NAALADL2: variants seen among roughly 807,000 people sequenced by gnomAD.
The protein encoded by NAALADL2 is inactive N-acetylated-alpha-linked acidic dipeptidase-like protein 2.
NAALADL2 carries 76 observed loss-of-function variants against 87.2 expected under a neutral mutation model. The observed-to-expected ratio is 0.87, with a 90% confidence interval of 0.72 to 1.05. The LOEUF is 1.05. Ranked by LOEUF, NAALADL2 falls within the 50% of genes least tolerant of loss-of-function variation. The probability of loss-of-function intolerance (pLI) is 0.00; values close to 1 mark genes in which losing one functional copy is unlikely to be tolerated. For missense variants in NAALADL2, 1,089 were observed against 945.8 expected, an observed-to-expected ratio of 1.15 and a Z score of -1.99; for synonymous variants, 354 against 331.0, an observed-to-expected ratio of 1.07 and a Z score of -0.75.
intron 13 of NAALADL2, among the ~76,000 whole-genome samples, chr3:175,801,387 T>C (rs917174499): frequency 4.6e-5 from 7 of 152,126 alleles, no homozygotes; most frequent in Non-Finnish European, 8.8e-5. Context: ...TGTTCTCCCA[T>C]GTCTGCTCCT....
At chr3:174,443,550 A>G (rs907834394) in intron 1 of NAALADL2, among the ~76,000 whole-genome samples, 1 of 152,234 alleles carries the variant, frequency 6.6e-6, no homozygotes, top group African/African-American at 2.4e-5. Flanking sequence ...AATGTCAAGC[A>G]TGCAGTTAGC....
intron 11 of NAALADL2, among the ~76,000 whole-genome samples, chr3:175,697,893 G>A (rs1371666214): frequency 3.6e-5 from 3 of 83,386 alleles, no homozygotes; most frequent in African/African-American, 5.1e-5. Context: ...GTGTATATAT[G>A]TATGTATACA....
At chr3:175,464,504 G>A (rs116867718) in intron 7 of NAALADL2, among the ~76,000 whole-genome samples, 10 of 151,874 alleles carry the variant, frequency 6.6e-5, no homozygotes, top group Middle Eastern at 3.4e-3. Flanking sequence ...CAAACACATC[G>A]TAAGGCTGAA....
chr3:174,912,265 T>C (rs1733799959), intron 1 of NAALADL2, among the ~76,000 whole-genome samples: 1 of 152,004 alleles, frequency 6.6e-6, no homozygotes, highest in Non-Finnish European at 1.5e-5. Context: ...ACTAAAGTCA[T>C]CACCTAAGGA....
At chr3:175,759,844 A>G (rs1305951898) in intron 13 of NAALADL2, among the ~76,000 whole-genome samples, 1 of 152,154 alleles carries the variant, frequency 6.6e-6, no homozygotes, top group African/African-American at 2.4e-5. Flanking sequence ...GTTAGTGGTT[A>G]TGGAAAGGTA....
At chr3:175,527,983 A>G (rs1413084564) in intron 9 of NAALADL2, among the ~76,000 whole-genome samples, 3 of 152,116 alleles carry the variant, frequency 2.0e-5, no homozygotes, top group African/African-American at 7.2e-5. Context: ...TTGATTCTCA[A>G]GAGATAAGAG....
At position 175,789,898 on chromosome 3, in the gene NAALADL2, AT is replaced by A. The variant is rs550295346; in HGVS notation, c.2190-13103del. Among the ~76,000 whole-genome samples the A allele has an allele frequency of 2.0e-5, 3 of 152,140 alleles. No homozygotes were observed. In the South Asian group the frequency reaches 6.2e-4, roughly 31 times the overall value. On this transcript the variant is annotated intron_variant, in intron 13 of 13. Transcript: ENST00000454872. ...GTTATTAATAAAAAAATACAAATGCATTTTGTTTTCCCTAAGTATAATTTAA... is the reference window on the plus strand; with the variant it reads ...GTTATTAATAAAAAAATACAAATGCATTTGTTTTCCCTAAGTATAATTTAA...
intron 1 of NAALADL2, among the ~76,000 whole-genome samples, chr3:174,507,698 T>C (rs1360762370): frequency 6.6e-6 from 1 of 151,180 alleles, no homozygotes; most frequent in Non-Finnish European, 1.5e-5. Flanking sequence ...AGGATAATGC[T>C]TGTGAGATTC....
chr3:175,629,776 C>T (rs1304663210), intron 11 of NAALADL2, among the ~76,000 whole-genome samples: 3 of 151,696 alleles, frequency 2.0e-5, no homozygotes, highest in Non-Finnish European at 4.4e-5. Flanking sequence ...AAATGGAGTA[C>T]AGGGGCACAG....
chr3:175,337,955 G>A (rs974788804), intron 5 of NAALADL2, among the ~76,000 whole-genome samples: 4 of 152,294 alleles, frequency 2.6e-5, no homozygotes, highest in East Asian at 1.9e-4. Context: ...AGCAAACTAC[G>A]ATGAGAGTGG....
In NAALADL2 at chr3:175,725,797, G is replaced by C. The variant is rs112719282; in HGVS notation, c.1897-11509G>C. Among the ~76,000 whole-genome samples the C allele has an allele frequency of 5.5e-3, 843 of 152,140 alleles. 9 individuals are homozygous for C. The highest frequency in any genetic ancestry group is 0.019 in the African/African-American group (807 of 41,528). On this transcript the variant is annotated intron_variant, in intron 11 of 13. Coordinates refer to ENST00000454872, the MANE Select transcript of NAALADL2 (RefSeq NM_207015.3). Reference sequence around the variant, plus strand: ...ATTTTCTCATGCAAAATAGAATAAGGCTATTGTAAGGATTCAATGAATTAA... The same window carrying C: ...ATTTTCTCATGCAAAATAGAATAAGCCTATTGTAAGGATTCAATGAATTAA...
Position 174,863,389 on chromosome 3 carries a change from A to G in NAALADL2, c.43+3939A>G, listed in dbSNP as rs144770654. Among the ~76,000 whole-genome samples, 445 of 152,092 alleles carry G rather than the reference A, an allele frequency of 2.9e-3. 2 individuals are homozygous for G. Among genetic ancestry groups the G allele is most frequent in the African/African-American group, 0.01 (430 of 41,506 alleles). On this transcript the variant is annotated intron_variant, in intron 1 of 13. Transcript: ENST00000454872. ...GAGTATTCAGTGAGCTTATTATGGAACCTGTCCATCCAGGCTTGGGTTTTC... is the reference window on the plus strand; with the variant it reads ...GAGTATTCAGTGAGCTTATTATGGAGCCTGTCCATCCAGGCTTGGGTTTTC...
intron 5 of NAALADL2, among the ~76,000 whole-genome samples, chr3:175,405,130 A>T (rs1173796204): frequency 6.6e-6 from 1 of 152,170 alleles, no homozygotes; most frequent in African/African-American, 2.4e-5. Context: ...ACATGTCTAT[A>T]TTAGCAATAG....
At chr3:175,199,607 A>G (rs2109124083) in intron 2 of NAALADL2, among the ~76,000 whole-genome samples, 1 of 151,514 alleles carries the variant, frequency 6.6e-6, no homozygotes, top group Admixed American at 6.6e-5. Context: ...GGATGAATGA[A>G]TAAAAGTGCA....
chr3:175,729,990 TA>T (rs1213475416), intron 11 of NAALADL2, among the ~76,000 whole-genome samples: 1 of 152,072 alleles, frequency 6.6e-6, no homozygotes, highest in African/African-American at 2.4e-5. Flanking sequence ...TCTGGGTATA[TA>T]AAAATATAGA....
At chr3:175,651,360 T>A in intron 11 of NAALADL2, among the ~76,000 whole-genome samples, 1 of 152,202 alleles carries the variant, frequency 6.6e-6, no homozygotes, top group East Asian at 1.9e-4. Context: ...CTTTTTACTC[T>A]ATGTTATGGG....
intron 10 of NAALADL2, among the ~76,000 whole-genome samples, chr3:175,593,585 T>C (rs77803996): frequency 0.044 from 6,630 of 152,264 alleles, 481 homozygotes; most frequent in African/African-American, 0.15. Context: ...TTAGGTAGGA[T>C]TGGTTCTTCT....
intron 2 of NAALADL2, among the ~76,000 whole-genome samples, chr3:174,610,736 A>C (rs1719742557): frequency 1.2e-5 from 1 of 82,894 alleles, no homozygotes; most frequent in Non-Finnish European, 2.1e-5. Context: ...AACTAGTTCA[A>C]CCATTGTGCA....
chr3:175,789,506 G>A (rs942177469), intron 13 of NAALADL2, among the ~76,000 whole-genome samples: 1 of 152,032 alleles, frequency 6.6e-6, no homozygotes, highest in African/African-American at 2.4e-5. Flanking sequence ...ACTACTTGAG[G>A]TCTTGGCTTT....
Sources: gnomAD v4.1 joint callset for allele counts (sites outside exome capture counted in the v4.1 genomes callset) on GRCh38, gnomAD v4.1.1 for gene constraint, MANE v1.5 for transcripts, NCBI Gene and HGNC (gene_info 2026-07-23, HGNC 2026-07-21) for gene names.